TRAPPC9: variants seen among roughly 807,000 people sequenced by gnomAD.
TRAPPC9 encodes the protein IKK2 binding protein.
A neutral mutation model predicts 124.0 loss-of-function variants in TRAPPC9; 83 were observed. The observed-to-expected ratio is 0.67, with a 90% CI of 0.56 to 0.80. The LOEUF is 0.80. Among genes scored for constraint, TRAPPC9 ranks in the 30% least tolerant of loss-of-function variants. The pLI, the probability that TRAPPC9 is intolerant of heterozygous loss-of-function variation, is 0.00. For synonymous variants in TRAPPC9, 638 were observed against 617.5 expected (o/e 1.03, Z -0.49); for missense variants, 1,302 against 1,508.3 (o/e 0.86, Z 2.27).
At chr8:139,766,949 T>C (rs1820624752) in intron 21 of TRAPPC9, among the ~76,000 whole-genome samples, 1 of 152,256 alleles carries the variant, frequency 6.6e-6, no homozygotes, top group South Asian at 2.1e-4. Context: ...CTCACCTGCA[T>C]GTCTGTGCCC....
intron 18 of TRAPPC9, among the ~76,000 whole-genome samples, chr8:140,012,954 G>T (rs1839228823): frequency 6.6e-6 from 1 of 152,140 alleles, no homozygotes; most frequent in South Asian, 2.1e-4. Flanking sequence ...GTGTAGCAAG[G>T]CAACTGGCAC....
intron 21 of TRAPPC9, among the ~76,000 whole-genome samples, chr8:139,872,630 T>G (rs989738346): frequency 8.1e-4 from 104 of 128,860 alleles, no homozygotes; most frequent in East Asian, 9.3e-4. Context: ...GTGGACGGGT[T>G]GATGGGTAAA....
At chr8:139,936,179 G>C (rs1292143152) in intron 19 of TRAPPC9, among the ~76,000 whole-genome samples, 1 of 152,352 alleles carries the variant, frequency 6.6e-6, no homozygotes, top group East Asian at 1.9e-4. Context: ...GCCTACCAGA[G>C]CCCAGGAGCG....
chr8:140,445,067 G>A (rs896458383), intron 2 of TRAPPC9, among the ~76,000 whole-genome samples: 1 of 152,030 alleles, frequency 6.6e-6, no homozygotes, highest in Non-Finnish European at 1.5e-5. Context: ...CCTGAGCTCC[G>A]GACTCACATC....
intron 18 of TRAPPC9, among the ~76,000 whole-genome samples, chr8:140,021,183 CCTT>C (rs1215829095): frequency 2.0e-5 from 3 of 152,158 alleles, no homozygotes; most frequent in African/African-American, 4.8e-5. Flanking sequence ...GTTCTTTTCT[CCTT>C]CTTTCTTGAT....
intron 17 of TRAPPC9, chr8:140,098,096 G>A (rs2060489238): frequency 6.6e-6 from 1 of 152,108 alleles, no homozygotes; most frequent in Middle Eastern, 3.4e-3. Context: ...GCCTGCCGGG[G>A]TCCTCCACAG....
At chr8:140,058,826 C>T (rs1206481142) in intron 17 of TRAPPC9, among the ~76,000 whole-genome samples, 1 of 152,158 alleles carries the variant, frequency 6.6e-6, no homozygotes, top group Non-Finnish European at 1.5e-5. Context: ...GTGTAAACAG[C>T]CATGATGGAG....
In TRAPPC9 at chr8:140,126,564, C is replaced by T. The variant is rs938207047; in HGVS notation, c.2556+94895G>A. 2.0e-5 allele frequency among the ~76,000 whole-genome samples: 3 copies of T among 152,328 alleles called. No individual in the cohort carries two copies. The South Asian group carries it at 6.2e-4, about 32-fold the overall frequency. On this transcript the variant is annotated intron_variant, in intron 17 of 22. Coordinates refer to ENST00000438773, the MANE Select transcript of TRAPPC9 (RefSeq NM_001160372.4). The stretch of plus-strand genomic sequence containing the variant: ...AATTTCGTCTGCAGTTGAATACAAG[C>T]AGCACAATGATCCTGAAATTAAATG...
rs115068031 is a variant in TRAPPC9 at position 139,759,301 on chromosome 8, C to T, written c.3056-27099G>A. ...GGCGGGGAGGAATACCTGCCGCTCA[C>T]TGAGTGTTTATCATCTTCCTGGCAC... On this transcript the variant is annotated intron_variant, in intron 21 of 22. Transcript: ENST00000438773. 8.6e-3 allele frequency among the ~76,000 whole-genome samples: 1,303 copies of T among 152,314 alleles called. 21 individuals carry two copies. Among genetic ancestry groups the T allele is most frequent in the African/African-American group, 0.03 (1,254 of 41,568 alleles).
intron 21 of TRAPPC9, among the ~76,000 whole-genome samples, chr8:139,843,627 C>T (rs1056539397): frequency 2.6e-5 from 4 of 152,120 alleles, no homozygotes; most frequent in Middle Eastern, 3.2e-3. Flanking sequence ...GAGGTAGAAA[C>T]GTCAGAACCA....
chr8:140,028,513 A>C (rs868306120), intron 17 of TRAPPC9, among the ~76,000 whole-genome samples: 73 of 152,374 alleles, frequency 4.8e-4, no homozygotes, highest in African/African-American at 1.2e-3. Flanking sequence ...AATGAGGCTC[A>C]GAGCACCCAG....
At chr8:140,186,877 T>C (rs2062365183) in intron 17 of TRAPPC9, among the ~76,000 whole-genome samples, 1 of 152,178 alleles carries the variant, frequency 6.6e-6, no homozygotes, top group Non-Finnish European at 1.5e-5. Flanking sequence ...TCTTTCCCTT[T>C]TTTTTGAATC....
intron 17 of TRAPPC9, among the ~76,000 whole-genome samples, chr8:140,163,013 A>C (rs760617686): frequency 1.2e-4 from 18 of 152,070 alleles, no homozygotes; most frequent in Non-Finnish European, 1.6e-4. Context: ...AATTATTACA[A>C]TGGTAAATTT....
chr8:139,808,939 G>A lies in TRAPPC9; in HGVS notation c.3056-76737C>T, dbSNP rs950914359. Among the ~76,000 whole-genome samples the A allele has an allele frequency of 5.9e-5, 9 of 152,280 alleles. No homozygotes were observed. The South Asian group carries it at 8.3e-4, about 14-fold the overall frequency. On this transcript the variant is annotated intron_variant, in intron 21 of 22. Coordinates refer to ENST00000438773, the MANE Select transcript of TRAPPC9 (RefSeq NM_001160372.4). ...GACAAATGCTGCCACAAACAGGCAC[G>A]TACAAGTTTTGTGTGGATGTATGTT...
At chr8:140,389,901 G>C (rs2068874759) in intron 7 of TRAPPC9, among the ~76,000 whole-genome samples, 2 of 150,478 alleles carry the variant, frequency 1.3e-5, no homozygotes, top group Non-Finnish European at 3.0e-5. Flanking sequence ...TCTAGTTAAA[G>C]GAAACCAGGG....
At chr8:139,850,485 C>A (rs1827374248) in intron 21 of TRAPPC9, among the ~76,000 whole-genome samples, 1 of 152,172 alleles carries the variant, frequency 6.6e-6, no homozygotes, top group South Asian at 2.1e-4. Flanking sequence ...AACTGAGCTA[C>A]CTGTGACAAC....
chr8:139,846,465 C>G (rs28626773), intron 21 of TRAPPC9, among the ~76,000 whole-genome samples: 1 of 152,056 alleles, frequency 6.6e-6, no homozygotes, highest in Non-Finnish European at 1.5e-5. Context: ...TCTGGCAGGA[C>G]GAGGTGAATT....
At chr8:140,023,151 G>A (rs376226882) in intron 18 of TRAPPC9, among the ~76,000 whole-genome samples, 1 of 152,052 alleles carries the variant, frequency 6.6e-6, no homozygotes, top group African/African-American at 2.4e-5. Context: ...ACACCAGGAC[G>A]AGCTCGGAGG....
intron 21 of TRAPPC9, among the ~76,000 whole-genome samples, chr8:139,833,096 C>T (rs1826096674): frequency 6.6e-6 from 1 of 152,198 alleles, no homozygotes; most frequent in African/African-American, 2.4e-5. Context: ...CAGCGGACAT[C>T]AGCAGGAAGC....
Sources: allele counts gnomAD v4.1 joint callset (sites outside exome capture counted in the v4.1 genomes callset), GRCh38; gene constraint gnomAD v4.1.1; transcripts MANE v1.5; gene names NCBI Gene and HGNC (gene_info 2026-07-23, HGNC 2026-07-21).